Variants in ATG4A observed in about 807,000 individuals in gnomAD.
ATG4A encodes the protein cysteine protease ATG4A.
Under a neutral mutation model 38.4 loss-of-function variants are expected in ATG4A, and 22 were observed. The ratio of observed to expected loss-of-function variants is 0.57; its 90% confidence interval spans 0.41 to 0.82. ATG4A has a LOEUF of 0.82. Among genes scored for constraint, ATG4A ranks in the 40% least tolerant of loss-of-function variants. The pLI, the probability that ATG4A is intolerant of heterozygous loss-of-function variation, is 0.00. For missense variants in ATG4A, 220 were observed against 290.0 expected (o/e 0.76, Z 1.75); for synonymous variants, 86 against 100.7 (o/e 0.85, Z 0.88).
intron 1 of ATG4A, among the ~76,000 whole-genome samples, chrX:108,100,607 T>G (rs2744448): frequency 0.5 from 54,622 of 109,686 alleles, 10,785 homozygotes; most frequent in African/African-American, 0.68. Context: ...GTTGTCTGAG[T>G]GTTTTTATCA....
chrX:108,137,023 A>C, intron 6 of ATG4A, 68 bp from the exon 7 acceptor site: 1 of 967,002 alleles, frequency 1.0e-6, no homozygotes. Context: ...ACTGGGCATA[A>C]ATTGTACTGT....
intron 1 of ATG4A, among the ~76,000 whole-genome samples, chrX:108,117,114 AAGG>A (rs1407155315): frequency 3.6e-5 from 4 of 111,913 alleles, no homozygotes; most frequent in African/African-American, 1.3e-4. Flanking sequence ...GTACTCAGTA[AAGG>A]ATTGTTAAAT....
At chrX:108,111,865 C>T (rs1019412592) in intron 1 of ATG4A, among the ~76,000 whole-genome samples, 2 of 111,859 alleles carry the variant, frequency 1.8e-5, no homozygotes, top group Non-Finnish European at 3.8e-5. Flanking sequence ...AAAATAGAGA[C>T]ATGGTCTTGC....
At chrX:108,140,733 A>G (rs937917602) in intron 9 of ATG4A, among the ~76,000 whole-genome samples, 2 of 101,470 alleles carry the variant, frequency 2.0e-5, no homozygotes, top group African/African-American at 3.5e-5. Flanking sequence ...AAATAAATGT[A>G]TATATAAAAT....
chrX:108,148,515 CAT>C (rs1334578002), intron 9 of ATG4A, among the ~76,000 whole-genome samples: 2 of 69,036 alleles, frequency 2.9e-5, no homozygotes, highest in African/African-American at 7.0e-5. Context: ...ACTCCATGCA[CAT>C]ACACACACAC....
At position 108,138,291 on chromosome X, in the gene ATG4A, C is replaced by T. The variant is rs760132798; in HGVS notation, c.814+100C>T. The T allele has an allele frequency of 5.0e-4, 377 of 747,339 alleles. 1 individual carries two copies. In the South Asian group the frequency reaches 8.1e-3, roughly 16 times the overall value. The allele number at this position is 747,339 out of a possible 1,213,427, so 61.6% of individuals were successfully genotyped here. On this transcript the variant is annotated intron_variant, in intron 9 of 12. Coordinates refer to ENST00000372232, the MANE Select transcript of ATG4A (RefSeq NM_052936.5). Reference sequence around the variant, plus strand: ...CAGGCAATTCCAGTTAGTGGGTTCCCGTCTAGCCCAGGAATGCCGTGGCCT... The same window carrying T: ...CAGGCAATTCCAGTTAGTGGGTTCCTGTCTAGCCCAGGAATGCCGTGGCCT...
intron 1 of ATG4A, among the ~76,000 whole-genome samples, chrX:108,117,720 A>G (rs777033059): frequency 3.6e-5 from 4 of 112,270 alleles, no homozygotes; most frequent in Non-Finnish European, 7.5e-5. Context: ...TGTCAACAGC[A>G]GAGAGATCCT....
intron 3 of ATG4A, 64 bp from the exon 4 acceptor site, chrX:108,131,196 G>A: frequency 9.9e-7 from 1 of 1,010,036 alleles, no homozygotes; most frequent in Non-Finnish European, 1.4e-6. Context: ...TCCCAAATAT[G>A]CTGATGTTTC....
chrX:108,145,937 A>G (rs755957859), intron 9 of ATG4A, among the ~76,000 whole-genome samples: 2 of 111,815 alleles, frequency 1.8e-5, no homozygotes, highest in East Asian at 5.6e-4. Flanking sequence ...ATAAGCCCCT[A>G]CTTTAACTGG....
At chrX:108,126,540 C>A (rs1380605847) in intron 2 of ATG4A, among the ~76,000 whole-genome samples, 1 of 112,133 alleles carries the variant, frequency 8.9e-6, no homozygotes, top group Non-Finnish European at 1.9e-5. Context: ...TAATCAGTCT[C>A]TAGCCTTTCG....
At chrX:108,127,537 A>G (rs753550621) in intron 2 of ATG4A, among the ~76,000 whole-genome samples, 2 of 112,143 alleles carry the variant, frequency 1.8e-5, no homozygotes. Flanking sequence ...CAGGTTACAC[A>G]GCTGGTAAGT....
At chrX:108,091,660 C>T (rs1181211616), upstream of ATG4A, 6 of 904,366 alleles carry the variant, frequency 6.6e-6, no homozygotes, top group Non-Finnish European at 9.6e-6. Context: ...CGTCGCGCGG[C>T]GCCTCTGGGA....
upstream of ATG4A, chrX:108,091,380 C>G (rs1188174466): frequency 5.0e-6 from 6 of 1,191,206 alleles, no homozygotes; most frequent in Non-Finnish European, 6.8e-6. Flanking sequence ...ACGTCGCCGA[C>G]TGCGGAGAGA....
rs774319533 is a variant in ATG4A, at chrX:108,151,892, G to A, written c.1017+34G>A. Reference sequence around the variant, plus strand: ...ATATGTTTTTCTTAGTCTGAAAAATGAAGTTACCCAATTTTATTCCTTTTC... The same window carrying A: ...ATATGTTTTTCTTAGTCTGAAAAATAAAGTTACCCAATTTTATTCCTTTTC... On this transcript the variant is annotated intron_variant, in intron 11 of 12. Coordinates refer to ENST00000372232, the MANE Select transcript of ATG4A (RefSeq NM_052936.5). 3.1e-4 allele frequency: 353 copies of A among 1,126,621 alleles called. 7 individuals are homozygous for A. The South Asian group carries it at 6.7e-3, about 21-fold the overall frequency. 92.8% of individuals were successfully genotyped at this position (1,126,621 alleles called of 1,213,427 possible).
chrX:108,142,667 A>G (rs922588142), intron 9 of ATG4A, among the ~76,000 whole-genome samples: 1 of 110,583 alleles, frequency 9.0e-6, no homozygotes, highest in African/African-American at 3.3e-5. Flanking sequence ...TGAGGGCAGG[A>G]AGCATCCAGC....
chrX:108,092,697 C>G (rs1351648362), intron 1 of ATG4A, among the ~76,000 whole-genome samples: 1 of 111,754 alleles, frequency 8.9e-6, no homozygotes, highest in Admixed American at 9.4e-5. Flanking sequence ...TGATGAAATT[C>G]AAAATATAAT....
At chrX:108,122,534 T>G (rs2032682407) in intron 1 of ATG4A, among the ~76,000 whole-genome samples, 1 of 111,681 alleles carries the variant, frequency 9.0e-6, no homozygotes, top group African/African-American at 3.3e-5. Flanking sequence ...TAGCCTTCAC[T>G]CACAGGGAAA....
At chrX:108,135,862 G>T (rs1370529849) in intron 6 of ATG4A, among the ~76,000 whole-genome samples, 2 of 107,781 alleles carry the variant, frequency 1.9e-5, no homozygotes, top group African/African-American at 6.8e-5. Context: ...TCCGCTCACT[G>T]CAACCTCCAC....
At chrX:108,140,699 A>G (rs2033218456) in intron 9 of ATG4A, among the ~76,000 whole-genome samples, 1 of 102,005 alleles carries the variant, frequency 9.8e-6, no homozygotes, top group Admixed American at 1.1e-4. Flanking sequence ...GTATAAATGT[A>G]TATATAAAAT....
Sources: gnomAD v4.1 joint callset for allele counts (sites outside exome capture counted in the v4.1 genomes callset) on GRCh38, gnomAD v4.1.1 for gene constraint, MANE v1.5 for transcripts, NCBI Gene and HGNC (gene_info 2026-07-23, HGNC 2026-07-21) for gene names.